The following SLC35F2 variants were observed in gnomAD, a reference collection of about 807,000 sequenced individuals.
SLC35F2 encodes queuine/queuosine transporter SLC35F2.
SLC35F2 carries 25 observed loss-of-function variants against 38.1 expected under a neutral mutation model. That is an observed-to-expected ratio of 0.66 (90% CI 0.48 to 0.92). The LOEUF is 0.92. Among genes scored for constraint, SLC35F2 ranks in the 40% least tolerant of loss-of-function variants. The pLI is 0.00. For missense variants in SLC35F2, 409 were observed against 452.9 expected, an observed-to-expected ratio of 0.90 and a Z score of 0.88; for synonymous variants, 173 against 181.7, an observed-to-expected ratio of 0.95 and a Z score of 0.38.
chr11:107,815,699 C>A (rs1420770556), intron 2 of SLC35F2, 91 bp downstream of exon 2: 5 of 1,403,826 alleles, frequency 3.6e-6, no homozygotes, highest in Non-Finnish European at 4.8e-6. Context: ...TCTCCAGTCA[C>A]TACTTTCACA....
chr11:107,824,037 C>T (rs753828758), intron 1 of SLC35F2: 693 of 983,118 alleles, frequency 7.0e-4, no homozygotes, highest in Non-Finnish European at 8.1e-4. Context: ...CATAGTCCTA[C>T]GATTCAAAAG....
At chr11:107,803,388 G>A (rs1263509766) in intron 6 of SLC35F2, 2 of 985,392 alleles carry the variant, frequency 2.0e-6, no homozygotes, top group South Asian at 9.4e-5. Context: ...GGTATTGGAT[G>A]ATCAAGGTCA....
chr11:107,850,535 C>T (rs1191941992), intron 1 of SLC35F2, among the ~76,000 whole-genome samples: 1 of 152,084 alleles, frequency 6.6e-6, no homozygotes, highest in East Asian at 1.9e-4. Context: ...AAATAGTCAA[C>T]TCAAGGCCGG....
At chr11:107,807,090 G>T (rs549394198) in intron 3 of SLC35F2, among the ~76,000 whole-genome samples, 1 of 151,958 alleles carries the variant, frequency 6.6e-6, no homozygotes, top group East Asian at 1.9e-4. Flanking sequence ...TTATACATGA[G>T]AAAATGAAGA....
chr11:107,815,475 T>A (rs1859555550), intron 2 of SLC35F2, among the ~76,000 whole-genome samples: 1 of 151,574 alleles, frequency 6.6e-6, no homozygotes, highest in Admixed American at 6.6e-5. Context: ...ATTGGATCAC[T>A]TGAGCCTGGG....
intron 7 of SLC35F2, among the ~76,000 whole-genome samples, chr11:107,799,814 C>T (rs1859277045): frequency 6.6e-6 from 1 of 151,730 alleles, no homozygotes; most frequent in Non-Finnish European, 1.5e-5. Context: ...GTGATCTGCC[C>T]GCCTTGGCCT....
chr11:107,822,614 T>G (rs1271452119), intron 1 of SLC35F2, among the ~76,000 whole-genome samples: 1 of 152,060 alleles, frequency 6.6e-6, no homozygotes, highest in Non-Finnish European at 1.5e-5. Context: ...TCCCCAAAAC[T>G]CTAAGCTCCA....
chr11:107,850,625 C>T (rs992145675), intron 1 of SLC35F2, among the ~76,000 whole-genome samples: 3 of 151,746 alleles, frequency 2.0e-5, no homozygotes, highest in Admixed American at 6.6e-5. Flanking sequence ...AGTTCGAGAC[C>T]AGCCTGGCCA....
intron 7 of SLC35F2, among the ~76,000 whole-genome samples, chr11:107,797,025 T>A (rs932956076): frequency 2.6e-5 from 4 of 152,130 alleles, no homozygotes; most frequent in Non-Finnish European, 1.5e-5. Context: ...AAGGAATAAG[T>A]TCTAATGTTT....
chr11:107,855,274 C>G (rs1860258286), intron 1 of SLC35F2, among the ~76,000 whole-genome samples: 1 of 152,124 alleles, frequency 6.6e-6, no homozygotes, highest in South Asian at 2.1e-4. Flanking sequence ...TTTGTCATCC[C>G]TCAGTCATTC....
chr11:107,853,825 T>C (rs1280470701), intron 1 of SLC35F2, among the ~76,000 whole-genome samples: 1 of 151,610 alleles, frequency 6.6e-6, no homozygotes, highest in Non-Finnish European at 1.5e-5. Context: ...AGCTTATTTA[T>C]CTATTTGATG....
chr11:107,822,749 C>T (rs1253830802), intron 1 of SLC35F2, among the ~76,000 whole-genome samples: 1 of 151,874 alleles, frequency 6.6e-6, no homozygotes, highest in Non-Finnish European at 1.5e-5. Flanking sequence ...CACAAAACCA[C>T]AATAAAATGA....
intron 1 of SLC35F2, among the ~76,000 whole-genome samples, chr11:107,829,737 G>GA (rs1001671368): frequency 6.7e-5 from 10 of 148,898 alleles, no homozygotes; most frequent in Admixed American, 2.0e-4. Flanking sequence ...CCAGGTCCAT[G>GA]AAAATATTCT....
intron 5 of SLC35F2, 127 bp from the exon 6 acceptor site, chr11:107,804,897 T>C (rs1320105369): frequency 1.6e-5 from 19 of 1,172,136 alleles, no homozygotes; most frequent in Non-Finnish European, 2.3e-5. Flanking sequence ...TCTTAGAATA[T>C]AAAAATAACG....
intron 1 of SLC35F2, among the ~76,000 whole-genome samples, chr11:107,857,595 A>AT (rs1034685693): frequency 6.0e-4 from 92 of 152,328 alleles, no homozygotes; most frequent in African/African-American, 2.1e-3. Context: ...TATTTATATG[A>AT]TAAAAAATGC....
At chr11:107,809,992 G>C (rs1450108359) in intron 3 of SLC35F2, 23 of 985,218 alleles carry the variant, frequency 2.3e-5, no homozygotes, top group Non-Finnish European at 2.8e-5. Context: ...ATCTTCACGT[G>C]AACTATCCCA....
chr11:107,842,121 G>C (rs1860020984), intron 1 of SLC35F2, among the ~76,000 whole-genome samples: 1 of 150,524 alleles, frequency 6.6e-6, no homozygotes. Flanking sequence ...ACAAAAATTA[G>C]CTGGGCGTGG....
chr11:107,828,245 G>A (rs931948024), intron 1 of SLC35F2, among the ~76,000 whole-genome samples: 4 of 152,056 alleles, frequency 2.6e-5, no homozygotes, highest in African/African-American at 9.7e-5. Flanking sequence ...GACCAGCCTG[G>A]CCAACATGGT....
chr11:107,811,826 T>C (rs1859485383), intron 2 of SLC35F2, 32 bp from the exon 3 acceptor site: 1 of 1,592,584 alleles, frequency 6.3e-7, no homozygotes, highest in African/African-American at 1.3e-5. Flanking sequence ...TAGTACATGT[T>C]ACTTGCAAAT....
Sources: allele counts gnomAD v4.1 joint callset (sites outside exome capture counted in the v4.1 genomes callset), GRCh38; gene constraint gnomAD v4.1.1; transcripts MANE v1.5; gene names NCBI Gene and HGNC (gene_info 2026-07-23, HGNC 2026-07-21).